Variants in EVI5 observed in about 807,000 individuals in gnomAD.
The protein encoded by EVI5 is ecotropic viral integration site 5 protein homolog.
EVI5 carries 73 observed loss-of-function variants against 112.0 expected under a neutral mutation model. The ratio of observed to expected loss-of-function variants is 0.65; its 90% CI spans 0.54 to 0.79. The LOEUF (loss-of-function observed/expected upper bound fraction) is 0.79, where lower values mean the gene tolerates loss of function less well. EVI5 is among the 30% of genes least tolerant of loss of function. EVI5 has a pLI of 0.00. For synonymous variants in EVI5, 305 were observed against 319.9 expected, an observed-to-expected ratio of 0.95 and a Z score of 0.50; for missense variants, 900 against 968.8, an observed-to-expected ratio of 0.93 and a Z score of 0.94.
At chr1:92,648,910 T>C (rs934084104) in intron 13 of EVI5, among the ~76,000 whole-genome samples, 1 of 152,210 alleles carries the variant, frequency 6.6e-6, no homozygotes, top group South Asian at 2.1e-4. Flanking sequence ...CAGGGTACCA[T>C]GATAATTCTA....
chr1:92,563,640 A>ACCT lies in EVI5; in HGVS notation c.2165_2166+1dup. ...ATGTGAAGATCAAAATTTATCACTTACCTCATGATTCAGCTCTGCTATCTG... is the reference window on the plus strand; with the variant it reads ...ATGTGAAGATCAAAATTTATCACTTACCTCCTCATGATTCAGCTCTGCTATCTG... On this transcript the variant is annotated splice_donor_variant, in intron 19 of 19. Transcript: ENST00000684568. LOFTEE classifies it high-confidence loss of function. 6.6e-7 allele frequency: 1 copy of ACCT among 1,511,032 alleles called. No individual in the cohort carries two copies. The highest frequency in any genetic ancestry group is 1.4e-5 in the African/African-American group (1 of 72,780). The allele number at this position is 1,511,032 out of a possible 1,614,324, so 93.6% of individuals were successfully genotyped here.
chr1:92,567,488 A>G (rs937063123), intron 18 of EVI5, among the ~76,000 whole-genome samples: 2 of 152,176 alleles, frequency 1.3e-5, no homozygotes, highest in Admixed American at 6.5e-5. Context: ...CTTTTATATC[A>G]TATTTTTACT....
Position 92,784,978 on chromosome 1 carries a change from A to G in EVI5, c.-224T>C. The G allele has an allele frequency of 1.0e-6, 1 of 985,536 alleles. No homozygotes were observed. The highest frequency in any genetic ancestry group is 1.2e-6 in the Non-Finnish European group (1 of 830,074). 61.0% of individuals were successfully genotyped at this position (985,536 alleles called of 1,614,324 possible). A position where few individuals can be genotyped will look rare whatever the true frequency, so the allele number is the denominator to read the frequency against. Reference sequence around the variant, plus strand: ...GTTCCCAAAAGCACCACGCTCACTCAGAAGCTCAGGGCCGCCTCGCGACCC... The same window carrying G: ...GTTCCCAAAAGCACCACGCTCACTCGGAAGCTCAGGGCCGCCTCGCGACCC... On this transcript the variant is annotated 5_prime_UTR_variant, in exon 1 of 20. Transcript: ENST00000684568.
In EVI5 at chr1:92,605,271, T is replaced by C. The variant is rs376720239; in HGVS notation, c.2070+36A>G. ...CAGACAAAGAGGATAGAAGAAACTA[T>C]ATTTTTACATGTACTTTATTATTTT... is the stretch of plus-strand genomic sequence containing the variant. On this transcript the variant is annotated intron_variant, in intron 18 of 19. Coordinates refer to ENST00000684568, the MANE Select transcript of EVI5 (RefSeq NM_001350197.2). 26 of 1,338,740 alleles carry C rather than the reference T, an allele frequency of 1.9e-5. No individual in the cohort carries two copies. In the African/African-American group the frequency reaches 3.3e-4, roughly 17 times the overall value. The allele number at this position is 1,338,740 out of a possible 1,614,324, so 82.9% of individuals were successfully genotyped here.
At chr1:92,577,921 T>C (rs1671330169) in intron 18 of EVI5, among the ~76,000 whole-genome samples, 1 of 152,204 alleles carries the variant, frequency 6.6e-6, no homozygotes, top group African/African-American at 2.4e-5. Flanking sequence ...TTGTTGTTTT[T>C]TTGTTTGTTT....
At position 92,620,641 on chromosome 1, in the gene EVI5, T is replaced by C. The variant is rs370688546; in HGVS notation, c.1827+3535A>G. On this transcript the variant is annotated intron_variant, in intron 16 of 19. Transcript: ENST00000684568. ...ATTTAAAGTGTTAAAAGAAAAAAAC[T>C]GTCAAGGCAGAATTCAATATCCTGC... 7.2e-5 allele frequency among the ~76,000 whole-genome samples: 11 copies of C among 152,188 alleles called. No individual in the cohort carries two copies. The East Asian group carries it at 1.2e-3, about 16-fold the overall frequency.
intron 9 of EVI5, among the ~76,000 whole-genome samples, chr1:92,685,893 G>A (rs1668440326): frequency 6.6e-6 from 1 of 152,142 alleles, no homozygotes; most frequent in South Asian, 2.1e-4. Flanking sequence ...TTCTGAAATT[G>A]AGGCAATAAT....
intron 1 of EVI5, among the ~76,000 whole-genome samples, chr1:92,741,649 T>C (rs1335961417): frequency 6.6e-6 from 1 of 152,246 alleles, no homozygotes; most frequent in Non-Finnish European, 1.5e-5. Context: ...TGGAGTTAGC[T>C]TGTTTTATAA....
At chr1:92,599,417 A>G (rs1648640255) in intron 18 of EVI5, among the ~76,000 whole-genome samples, 1 of 152,044 alleles carries the variant, frequency 6.6e-6, no homozygotes, top group Non-Finnish European at 1.5e-5. Flanking sequence ...AGATATTTCC[A>G]TGACTAAGAA....
intron 5 of EVI5, 147 bp from the exon 6 acceptor site, chr1:92,698,132 AG>A: frequency 1.5e-6 from 1 of 686,842 alleles, no homozygotes. Context: ...GGTAAGAATC[AG>A]AAAGTTCTAG....
At chr1:92,772,938 T>C (rs10874739) in intron 1 of EVI5, among the ~76,000 whole-genome samples, 132,303 of 146,318 alleles carry the variant, frequency 0.9, 59,897 homozygotes, top group East Asian at 0.97. Context: ...CCAGGCATGG[T>C]GGCTCACACT....
chr1:92,786,648 C>T (rs1379341018), upstream of EVI5, among the ~76,000 whole-genome samples: 1 of 152,088 alleles, frequency 6.6e-6, no homozygotes, highest in Non-Finnish European at 1.5e-5. Flanking sequence ...ACCCATATTC[C>T]CTTTATCCCC....
intron 1 of EVI5, among the ~76,000 whole-genome samples, chr1:92,759,721 T>C (rs1333737640): frequency 1.3e-5 from 2 of 152,234 alleles, no homozygotes; most frequent in Admixed American, 6.5e-5. Context: ...TATCATTATA[T>C]GTAAAACTAG....
intron 19 of EVI5, among the ~76,000 whole-genome samples, chr1:92,516,758 AGTCCTGGC>A: frequency 6.6e-6 from 1 of 152,218 alleles, no homozygotes; most frequent in Non-Finnish European, 1.5e-5. Flanking sequence ...TCTAAAGTGC[AGTCCTGGC>A]TATCTGATCT....
At chr1:92,524,052 G>A (rs1205622372) in intron 19 of EVI5, among the ~76,000 whole-genome samples, 2 of 149,284 alleles carry the variant, frequency 1.3e-5, no homozygotes, top group Admixed American at 6.8e-5. Flanking sequence ...AGCCGAGATA[G>A]CGCCACTGCA....
chr1:92,695,331 T>A lies in EVI5; in HGVS notation c.888A>T (p.Ile296=). Residue 296 remains isoleucine, a synonymous_variant, in exon 7 of 20, where the codon ATA becomes ATT. Transcript: ENST00000684568. ...TTACCTCAGACATAAAGATATCAAA[T>A]ATCCTTGTTGCAATTGGTAGTGGAA... is the stretch of plus-strand genomic sequence containing the variant. ...TTFPLPIATR[I]FDIFMSEGLE... is the part of the protein sequence containing the mutation. 6.2e-7 allele frequency: 1 copy of A among 1,612,130 alleles called. No homozygotes were observed. The highest frequency in any genetic ancestry group is 2.2e-5 in the East Asian group (1 of 44,814).
intron 14 of EVI5, among the ~76,000 whole-genome samples, chr1:92,634,310 G>T (rs546227449): frequency 1.3e-5 from 2 of 152,242 alleles, no homozygotes; most frequent in East Asian, 1.9e-4. Flanking sequence ...TCACTTTCAG[G>T]TACACCAATC....
At chr1:92,766,969 C>A (rs1042164616) in intron 1 of EVI5, among the ~76,000 whole-genome samples, 16 of 151,220 alleles carry the variant, frequency 1.1e-4, no homozygotes, top group African/African-American at 3.9e-4. Context: ...GTAATCCCAG[C>A]GACTCGGGAG....
At chr1:92,790,613 G>T (rs1031663031) in intron 1 of EVI5, among the ~76,000 whole-genome samples, 4 of 151,422 alleles carry the variant, frequency 2.6e-5, no homozygotes, top group Non-Finnish European at 4.4e-5. Context: ...AATCTGAAAG[G>T]TACTCAAATA....
Sources: allele counts gnomAD v4.1 joint callset (sites outside exome capture counted in the v4.1 genomes callset), GRCh38; gene constraint gnomAD v4.1.1; transcripts MANE v1.5; gene names NCBI Gene and HGNC (gene_info 2026-07-23, HGNC 2026-07-21).